The following TAF15 variants were observed in gnomAD, a reference collection of about 807,000 sequenced individuals.
TAF15 encodes the protein TATA-binding protein-associated factor 2N.
Under a neutral mutation model 102.5 loss-of-function variants are expected in TAF15, and 37 were observed. The observed-to-expected ratio is 0.36, with a 90% confidence interval of 0.28 to 0.47. The LOEUF (loss-of-function observed/expected upper bound fraction) is 0.47. Among genes scored for constraint, TAF15 ranks in the 20% least tolerant of loss-of-function variants. The pLI, the probability that TAF15 is intolerant of heterozygous loss-of-function variation, is 0.99. For synonymous variants in TAF15, 273 were observed against 259.2 expected (o/e 1.05, Z -0.51); for missense variants, 652 against 760.7 (o/e 0.86, Z 1.68).
At chr17:35,822,603 TC>T (rs763061979) in intron 5 of TAF15, 36 bp from the exon 6 acceptor site, 15 of 1,594,126 alleles carry the variant, frequency 9.4e-6, no homozygotes, top group Non-Finnish European at 4.3e-6. Flanking sequence ...AATGTAATCT[TC>T]CTATGAAGTC....
intron 1 of TAF15, chr17:35,810,675 T>A (rs1326776104): frequency 6.6e-6 from 1 of 152,168 alleles, no homozygotes; most frequent in African/African-American, 2.4e-5. Flanking sequence ...ATATTTTGAG[T>A]AAGGCCAAAC....
chr17:35,835,517 A>G (rs577352203), intron 9 of TAF15, among the ~76,000 whole-genome samples: 3 of 152,250 alleles, frequency 2.0e-5, no homozygotes, highest in Admixed American at 1.3e-4. Context: ...TTAAGATGCC[A>G]AAGTATTCTA....
intron 10 of TAF15, 30 bp from the exon 11 acceptor site, chr17:35,838,394 C>T: frequency 1.2e-6 from 2 of 1,613,380 alleles, no homozygotes; most frequent in East Asian, 2.2e-5. Context: ...TTTAAAAATG[C>T]TAACACCAAG....
chr17:35,846,660 T>G (rs528230287), intron 15 of TAF15, among the ~76,000 whole-genome samples: 1 of 152,312 alleles, frequency 6.6e-6, no homozygotes, highest in South Asian at 2.1e-4. Flanking sequence ...TATTTGTGGT[T>G]TGGAGTTTTA....
At chr17:35,825,611 A>G (rs2087315189) in intron 7 of TAF15, among the ~76,000 whole-genome samples, 1 of 152,170 alleles carries the variant, frequency 6.6e-6, no homozygotes, top group Non-Finnish European at 1.5e-5. Flanking sequence ...TGTGTCTAAG[A>G]ATGGTGGAAG....
At position 35,842,175 on chromosome 17, in the gene TAF15, C is replaced by T. The variant is rs1260370588; in HGVS notation, c.914-192C>T. ...AGCTTAGTAAGAAGTGACTGTCTCC[C>T]AGTGACAGATATGCTCTTTTCAGTA... On this transcript the variant is annotated intron_variant, in intron 11 of 15. Transcript: ENST00000605844. Among the ~76,000 whole-genome samples the T allele has an allele frequency of 2.6e-5, 4 of 152,170 alleles. No individual in the cohort carries two copies. The East Asian group carries it at 7.7e-4, about 29-fold the overall frequency.
chr17:35,836,339 C>T, intron 10 of TAF15, 98 bp downstream of exon 10: 1 of 875,626 alleles, frequency 1.1e-6, no homozygotes, highest in Non-Finnish European at 1.8e-6. Flanking sequence ...TACGCCTTGT[C>T]TCTTAAAATT....
Position 35,844,798 on chromosome 17 carries a change from G to T in TAF15, c.1499G>T (p.Gly500Val). Reference sequence around the variant, plus strand: ...GGAGGCTATGGTGGAGACCGAGGAGGCTATGGAGGAGATCGAGGAGGTTAC... The same window carrying T: ...GGAGGCTATGGTGGAGACCGAGGAGTCTATGGAGGAGATCGAGGAGGTTAC... ...RGGGYGGDRG[G>V]YGGDRGGYGG... Residue 500 changes from glycine to valine, a missense_variant, in exon 15 of 16, where the codon GGC becomes GTC. Gly to Val is a moderately radical substitution (Grantham distance 109, BLOSUM62 -3). This residue lies in a region of TAF15 where 368 missense variants were observed against 367.5 expected (regional missense o/e 1.00). Transcript: ENST00000605844. 6.2e-7 allele frequency: 1 copy of T among 1,602,708 alleles called. No individual in the cohort carries two copies. Among genetic ancestry groups the T allele is most frequent in the Non-Finnish European group, 8.5e-7 (1 of 1,170,808 alleles).
intron 1 of TAF15, chr17:35,816,772 C>G (rs981215087): frequency 7.2e-6 from 1 of 139,298 alleles, no homozygotes; most frequent in African/African-American, 2.7e-5. Flanking sequence ...GCTCATAGTT[C>G]AAATTCTTTA....
Position 35,819,889 on chromosome 17 carries a change from A to G in TAF15, c.48-135A>G. ...ATCGTCACCTTTCAATTTAGACTCT[A>G]GAGACAGGGAGATTGATGATTTCTC... On this transcript the variant is annotated intron_variant, in intron 2 of 15. Coordinates refer to ENST00000605844, the MANE Select transcript of TAF15 (RefSeq NM_139215.3). 1.0e-5 allele frequency: 8 copies of G among 782,682 alleles called. No homozygotes were observed. The South Asian group carries it at 1.3e-4, about 12-fold the overall frequency. The allele number at this position is 782,682 out of a possible 1,614,324, so 48.5% of individuals were successfully genotyped here.
intron 7 of TAF15, among the ~76,000 whole-genome samples, chr17:35,824,509 A>G (rs1484919818): frequency 6.6e-6 from 1 of 152,164 alleles, no homozygotes; most frequent in Non-Finnish European, 1.5e-5. Context: ...ACTCCTTTAA[A>G]AGACGACTCT....
intron 7 of TAF15, among the ~76,000 whole-genome samples, chr17:35,829,587 G>A (rs190787735): frequency 0.011 from 1,493 of 134,676 alleles, 14 homozygotes; most frequent in Non-Finnish European, 0.016. Context: ...AGCCGAGATC[G>A]TGCCACTGTA....
chr17:35,841,982 G>A (rs991671677), intron 11 of TAF15, among the ~76,000 whole-genome samples: 5 of 152,034 alleles, frequency 3.3e-5, no homozygotes, highest in Non-Finnish European at 7.4e-5. Context: ...ACAGATATAA[G>A]CCACTGCACC....
chr17:35,842,156 G>A (rs1169130843), intron 11 of TAF15, among the ~76,000 whole-genome samples: 1 of 151,824 alleles, frequency 6.6e-6, no homozygotes, highest in Non-Finnish European at 1.5e-5. Flanking sequence ...TTTAAGCTTA[G>A]TAAGAAGTGA....
intron 15 of TAF15, among the ~76,000 whole-genome samples, chr17:35,845,861 T>C (rs1033141513): frequency 6.6e-6 from 1 of 152,242 alleles, no homozygotes; most frequent in African/African-American, 2.4e-5. Flanking sequence ...CTCATAAAGA[T>C]AATTGAGATT....
At chr17:35,826,691 G>A (rs1048080479) in intron 7 of TAF15, among the ~76,000 whole-genome samples, 2 of 150,128 alleles carry the variant, frequency 1.3e-5, no homozygotes, top group African/African-American at 2.5e-5. Context: ...CTGAGTAGCT[G>A]GGACTACAGG....
At chr17:35,825,487 A>T (rs1447556324) in intron 7 of TAF15, among the ~76,000 whole-genome samples, 3 of 152,146 alleles carry the variant, frequency 2.0e-5, no homozygotes, top group Non-Finnish European at 4.4e-5. Flanking sequence ...ACCAGTTAAT[A>T]TGTTTTGGAT....
chr17:35,840,247 C>CTTTTTTTT (rs370455465), intron 11 of TAF15, among the ~76,000 whole-genome samples: 6 of 119,392 alleles, frequency 5.0e-5, no homozygotes, highest in East Asian at 2.5e-4. Flanking sequence ...CGTTATTTTC[C>CTTTTTTTT]TTTTTTTTTT....
chr17:35,831,692 A>G (rs997760449), intron 7 of TAF15, among the ~76,000 whole-genome samples: 2 of 152,050 alleles, frequency 1.3e-5, no homozygotes, highest in Admixed American at 6.6e-5. Context: ...GTGACCTCCA[A>G]TTTCCCATTT....
Sources: allele counts gnomAD v4.1 joint callset (sites outside exome capture counted in the v4.1 genomes callset), GRCh38; gene constraint gnomAD v4.1.1; regional missense constraint gnomAD v4.1.1; transcripts MANE v1.5; gene names NCBI Gene and HGNC (gene_info 2026-07-23, HGNC 2026-07-21).